SPTB: variants seen among roughly 807,000 people sequenced by gnomAD.
SPTB encodes the protein spectrin beta, erythrocytic, also known as spectrin beta chain, erythrocytic.
SPTB carries 45 observed loss-of-function variants against 256.2 expected under a neutral mutation model. That is an observed-to-expected ratio of 0.18 (90% CI 0.14 to 0.23). SPTB has a LOEUF of 0.23. Among genes scored for constraint, SPTB ranks in the 10% least tolerant of loss-of-function variants. The pLI, the probability that SPTB is intolerant of heterozygous loss-of-function variation, is 1.00. For synonymous variants in SPTB, 1,231 were observed against 1,243.1 expected (o/e 0.99, Z 0.21); for missense variants, 2,715 against 3,040.4 (o/e 0.89, Z 2.52).
chr14:64,758,241 T>C lies in SPTB; in HGVS notation c.6346-4448A>G, dbSNP rs141847395. On this transcript the variant is annotated intron_variant, in intron 32 of 35. Transcript: ENST00000644917. The surrounding 1 kb of genome is among the most constrained non-coding windows in gnomAD (Gnocchi z 4.6). ...AGGATCTCAAAAACCCTCTTGTTCC[T>C]GGAGTAGCAGATGCTCAGGACTGAG... is the stretch of plus-strand genomic sequence containing the variant. Among the ~76,000 whole-genome samples the C allele has an allele frequency of 1.9e-3, 283 of 152,346 alleles. 3 individuals carry two copies. Among genetic ancestry groups the C allele is most frequent in the African/African-American group, 6.5e-3 (272 of 41,594 alleles).
rs1382713851 is a variant in SPTB at position 64,816,910 on chromosome 14, G to T, written c.148+6037C>A. ...AGGCCTGGGGTCAGAGCTTGCCCTT[G>T]GGAACAAATCCCACAGAAATGTCCC... On this transcript the variant is annotated intron_variant, in intron 2 of 35. Coordinates refer to ENST00000644917, the MANE Select transcript of SPTB (RefSeq NM_001355436.2). The surrounding 1 kb of genome is among the most constrained non-coding windows in gnomAD (Gnocchi z 4.2). Among the ~76,000 whole-genome samples the T allele has an allele frequency of 1.3e-5, 2 of 152,154 alleles. No homozygotes were observed. Among genetic ancestry groups the T allele is most frequent in the African/African-American group, 4.8e-5 (2 of 41,434 alleles).
intron 32 of SPTB, chr14:64,755,180 G>A (rs1008250620): frequency 6.6e-6 from 1 of 152,310 alleles, no homozygotes; most frequent in Non-Finnish European, 1.5e-5. Context: ...AGCAGACCAT[G>A]TTCTCCTCCC....
At chr14:64,844,000 T>TA (rs2083648810) in intron 1 of SPTB, among the ~76,000 whole-genome samples, 1 of 152,216 alleles carries the variant, frequency 6.6e-6, no homozygotes, top group Non-Finnish European at 1.5e-5. Context: ...TAATGTGTTT[T>TA]ATCAAATTGT....
chr14:64,752,562 G>A (rs2081967637), intron 33 of SPTB, among the ~76,000 whole-genome samples: 1 of 152,130 alleles, frequency 6.6e-6, no homozygotes, highest in South Asian at 2.1e-4. Context: ...TTATCCCCTT[G>A]GAAAATAGAA....
At position 64,774,255 on chromosome 14, in the gene SPTB, C is replaced by T. The variant is rs950409045; in HGVS notation, c.4973+142G>A. On this transcript the variant is annotated intron_variant, in intron 24 of 35. Coordinates refer to ENST00000644917, the MANE Select transcript of SPTB (RefSeq NM_001355436.2). The stretch of plus-strand genomic sequence containing the variant: ...GCATAAAATGAAATTGGATCCATCA[C>T]CAGTCCCGCAGCAATTTTCTCCAGC... 22 of 1,165,050 alleles carry T rather than the reference C, an allele frequency of 1.9e-5. No homozygotes were observed. The African/African-American group carries it at 2.3e-4, about 12-fold the overall frequency. The allele number at this position is 1,165,050 out of a possible 1,614,324, so 72.2% of individuals were successfully genotyped here.
Position 64,793,581 on chromosome 14 carries a change from C to T in SPTB, c.2082G>A (p.Glu694=). 1 of 1,614,210 alleles carries T rather than the reference C, an allele frequency of 6.2e-7. No homozygotes were observed. Among genetic ancestry groups the T allele is most frequent in the Middle Eastern group, 1.6e-4 (1 of 6,062 alleles). ...DELRGLDAHL[E]QIFQEAHGMV... Reference sequence around the variant, plus strand: ...TGCCATGAGCCTCCTGGAAGATCTGCTCCAGGTGAGCATCCAGCCCACGGA... The same window carrying T: ...TGCCATGAGCCTCCTGGAAGATCTGTTCCAGGTGAGCATCCAGCCCACGGA... Residue 694 remains glutamate (E), a synonymous_variant, in exon 14 of 36, where the codon GAG becomes GAA. Transcript: ENST00000644917. The surrounding 1 kb of genome is among the most constrained non-coding windows in gnomAD (Gnocchi z 7.0).
At position 64,747,488 on chromosome 14, in the gene SPTB, G is replaced by A. The variant is rs1421829584; in HGVS notation, c.*1818C>T. 1 of 152,652 alleles carries A rather than the reference G, an allele frequency of 6.6e-6. No homozygotes were observed. Among genetic ancestry groups the A allele is most frequent in the African/African-American group, 2.4e-5 (1 of 41,444 alleles). 9.5% of individuals were successfully genotyped at this position (152,652 alleles called of 1,614,324 possible). ...AAATGAAGACCTTGCTCACCAGGGC[G>A]GGAACCTGGGGATGTCAGGCTCCAT... On this transcript the variant is annotated 3_prime_UTR_variant, in exon 36 of 36. Coordinates refer to ENST00000644917, the MANE Select transcript of SPTB (RefSeq NM_001355436.2).
rs1491124547 is a variant in SPTB at position 64,822,351 on chromosome 14, T to TTCTCTCTGTC, written c.148+595_148+596insGACAGAGAGA. Among the ~76,000 whole-genome samples, 68 of 8,216 alleles carry TTCTCTCTGTC rather than the reference T, an allele frequency of 8.3e-3. 6 individuals carry two copies. Among genetic ancestry groups the TTCTCTCTGTC allele is most frequent in the South Asian group, 0.03 (5 of 166 alleles). 5.4% of individuals were successfully genotyped at this position (8,216 alleles called of 152,430 possible). On this transcript the variant is annotated intron_variant, in intron 2 of 35. Coordinates refer to ENST00000644917, the MANE Select transcript of SPTB (RefSeq NM_001355436.2). ...ATTTAAGATATTCTCCACCCCCACC[T>TTCTCTCTGTC]TCTCTCTCTCTCTCTCTCTCTCTCA...
rs533061300 is a variant in SPTB at position 64,801,509 on chromosome 14, G to A, written c.648-109C>T. On this transcript the variant is annotated intron_variant, in intron 6 of 35. Transcript: ENST00000644917. ...ACAGAGGCAGGGAGGTGGTCAGGCA[G>A]GAGGAGTGAAAGGAGGAGATGGGAG... 23 of 906,764 alleles carry A rather than the reference G, an allele frequency of 2.5e-5. No individual in the cohort carries two copies. The African/African-American group carries it at 3.4e-4, about 14-fold the overall frequency. 56.2% of individuals were successfully genotyped at this position (906,764 alleles called of 1,614,324 possible).
intron 29 of SPTB, 185 bp from the exon 30 acceptor site, chr14:64,768,044 T>C: frequency 3.0e-6 from 2 of 663,710 alleles, no homozygotes; most frequent in Non-Finnish European, 2.7e-6. Context: ...ATCTTCACAA[T>C]AGTTATATTT....
rs1439424069 is a variant in SPTB, at chr14:64,779,111, G to A, written c.4563+46C>T. ...GGCCTACCCCCGTGGGGCCAGGTGG[G>A]GGTGAGGAGGGGTGGGTGGGGCTGG... is the stretch of plus-strand genomic sequence containing the variant. On this transcript the variant is annotated intron_variant, in intron 22 of 35. Coordinates refer to ENST00000644917, the MANE Select transcript of SPTB (RefSeq NM_001355436.2). The surrounding 1 kb of genome is among the most constrained non-coding windows in gnomAD (Gnocchi z 4.2). 2 of 1,533,318 alleles carry A rather than the reference G, an allele frequency of 1.3e-6. No homozygotes were observed. Among genetic ancestry groups the A allele is most frequent in the Non-Finnish European group, 1.8e-6 (2 of 1,115,190 alleles). 95.0% of individuals were successfully genotyped at this position (1,533,318 alleles called of 1,614,324 possible). A position where few individuals can be genotyped will look rare whatever the true frequency, so the allele number is the denominator to read the frequency against.
At position 64,764,797 on chromosome 14, in the gene SPTB, G is replaced by T. The variant is rs1293282101; in HGVS notation, c.6345+1929C>A. ...GTCCGCAGTCTGTGCCGGCCCCCCA[G>T]AGTTCGCTCTCCTTCCGGCAGGGGC... On this transcript the variant is annotated intron_variant, in intron 32 of 35. Coordinates refer to ENST00000644917, the MANE Select transcript of SPTB (RefSeq NM_001355436.2). The surrounding 1 kb of genome is among the most constrained non-coding windows in gnomAD (Gnocchi z 4.2). 2.0e-5 allele frequency among the ~76,000 whole-genome samples: 3 copies of T among 152,204 alleles called. No individual in the cohort carries two copies. Among genetic ancestry groups the T allele is most frequent in the Non-Finnish European group, 4.4e-5 (3 of 68,030 alleles).
At chr14:64,766,846 G>A (rs1400689078) in intron 31 of SPTB, 45 bp from the exon 32 acceptor site, 15 of 1,603,874 alleles carry the variant, frequency 9.4e-6, no homozygotes, top group Non-Finnish European at 1.3e-5. Context: ...ACCCCTCTGA[G>A]GCCAGTGCCT....
rs548666433 is a variant in SPTB at position 64,803,906 on chromosome 14, T to C, written c.301-126A>G. On this transcript the variant is annotated intron_variant, in intron 3 of 35. Transcript: ENST00000644917. ...CCTCTTGGCCAAACACCAAGTCCCA[T>C]GGTCATTCATTGACACTATTCAATG... The C allele has an allele frequency of 1.2e-3, 1,114 of 968,608 alleles. 2 individuals are homozygous for C. Among genetic ancestry groups the C allele is most frequent in the Non-Finnish European group, 1.3e-3 (852 of 652,244 alleles). The allele number at this position is 968,608 out of a possible 1,614,324, so 60.0% of individuals were successfully genotyped here.
chr14:64,772,634 G>A lies in SPTB; in HGVS notation c.5499C>T (p.Ser1833=), dbSNP rs1258882844. The change falls in exon 26 of 36, where the codon TCC becomes TCT. Residue 1833 remains serine, a synonymous_variant. Transcript: ENST00000644917. The surrounding 1 kb of genome is among the most constrained non-coding windows in gnomAD (Gnocchi z 5.4). ...CGAAGGCTGTGTGCACCCGGTGGAAGGACTCGGCCGTGCTGGCGTCCAGCC... is the reference window on the plus strand; with the variant it reads ...CGAAGGCTGTGTGCACCCGGTGGAAAGACTCGGCCGTGCTGGCGTCCAGCC... ...DVGLDASTAE[S]FHRVHTAFER... 6.2e-7 allele frequency: 1 copy of A among 1,612,860 alleles called. No individual in the cohort carries two copies. Among genetic ancestry groups the A allele is most frequent in the East Asian group, 2.2e-5 (1 of 44,882 alleles).
intron 2 of SPTB, among the ~76,000 whole-genome samples, chr14:64,812,743 G>A (rs900726374): frequency 1.3e-5 from 2 of 152,110 alleles, no homozygotes; most frequent in African/African-American, 4.8e-5. Context: ...TAGTGGGGCT[G>A]TTTTAAAAAT....
chr14:64,794,106 G>T (rs189819177), intron 13 of SPTB, among the ~76,000 whole-genome samples: 1 of 152,092 alleles, frequency 6.6e-6, no homozygotes, highest in African/African-American at 2.4e-5. Context: ...TAATAGAAAT[G>T]TACAACATAA....
At chr14:64,876,269 G>A (rs1384454486) in intron 1 of SPTB, among the ~76,000 whole-genome samples, 1 of 152,104 alleles carries the variant, frequency 6.6e-6, no homozygotes, top group Non-Finnish European at 1.5e-5. Context: ...AGCCTCCCGA[G>A]TAGCTGGGAT....
At chr14:64,862,291 C>T (rs1322863792) in intron 1 of SPTB, among the ~76,000 whole-genome samples, 1 of 152,106 alleles carries the variant, frequency 6.6e-6, no homozygotes, top group Non-Finnish European at 1.5e-5. Flanking sequence ...TCTCTCCCTC[C>T]CCTCAAGTGC....
Sources: gnomAD v4.1 joint callset for allele counts (sites outside exome capture counted in the v4.1 genomes callset) on GRCh38, gnomAD v4.1.1 for gene constraint, Gnocchi (gnomAD v3.1) non-coding constraint, MANE v1.5 for transcripts, NCBI Gene and HGNC (gene_info 2026-07-23, HGNC 2026-07-21) for gene names.